Variants in GPCPD1 observed in about 807,000 individuals in gnomAD.
GPCPD1 encodes the protein glycerophosphocholine phosphodiesterase 1.
Under a neutral mutation model 89.2 loss-of-function variants are expected in GPCPD1, and 29 were observed. The ratio of observed to expected loss-of-function variants is 0.33; its 90% confidence interval spans 0.24 to 0.44. GPCPD1 has a LOEUF of 0.44. Among genes scored for constraint, GPCPD1 ranks in the 20% least tolerant of loss-of-function variants. The pLI, the probability that GPCPD1 is intolerant of heterozygous loss-of-function variation, is 1.00. For synonymous variants in GPCPD1, 258 were observed against 266.3 expected, an observed-to-expected ratio of 0.97 and a Z score of 0.30; for missense variants, 594 against 808.9, an observed-to-expected ratio of 0.73 and a Z score of 3.22.
intron 6 of GPCPD1, among the ~76,000 whole-genome samples, chr20:5,582,093 G>T (rs955478398): frequency 1.2e-4 from 18 of 145,144 alleles, no homozygotes; most frequent in Non-Finnish European, 2.2e-4. Context: ...GGCTGAGGCA[G>T]GAGAATGGCG....
At position 5,584,267 on chromosome 20, in the gene GPCPD1, T is replaced by C. The variant is rs972983634; in HGVS notation, c.349+14A>G. The stretch of plus-strand genomic sequence containing the variant: ...TCATTTCAGTAAACATTTAAGTAAG[T>C]CAGTCTCACTTACTGTGGATTCCAA... On this transcript the variant is annotated intron_variant, in intron 6 of 19. Coordinates refer to ENST00000379019, the MANE Select transcript of GPCPD1 (RefSeq NM_019593.5). 9 of 1,233,876 alleles carry C rather than the reference T, an allele frequency of 7.3e-6. No individual in the cohort carries two copies. The highest frequency in any genetic ancestry group is 1.9e-4 in the Middle Eastern group (1 of 5,360). The allele number at this position is 1,233,876 out of a possible 1,614,324, so 76.4% of individuals were successfully genotyped here.
At position 5,561,449 on chromosome 20, in the gene GPCPD1, A is replaced by G. The variant is rs1198966570; in HGVS notation, c.1395+16T>C. On this transcript the variant is annotated intron_variant, in intron 16 of 19. Transcript: ENST00000379019. ...GCATAGAGAGTATAGAATGTGCTGC[A>G]TAGAGAATTACTTACCCTTTGCTGG... 6.9e-7 allele frequency: 1 copy of G among 1,444,376 alleles called. No homozygotes were observed. Among genetic ancestry groups the G allele is most frequent in the South Asian group, 1.1e-5 (1 of 87,064 alleles). The allele number at this position is 1,444,376 out of a possible 1,614,324, so 89.5% of individuals were successfully genotyped here. A position where few individuals can be genotyped will look rare whatever the true frequency, so the allele number is the denominator to read the frequency against.
At chr20:5,604,774 T>TACACACACAC (rs11466989) in intron 1 of GPCPD1, among the ~76,000 whole-genome samples, 3,272 of 139,116 alleles carry the variant, frequency 0.024, 64 homozygotes, top group African/African-American at 0.044. Flanking sequence ...GCCTCATGTC[T>TACACACACAC]ACACACACAC....
rs200838906 is a variant in GPCPD1, at chr20:5,575,521, A to G, written c.893T>C (p.Leu298Ser). The change falls in exon 10 of 20, where the codon TTA (leucine) becomes TCA (serine). Residue 298 changes from leucine to serine, a missense_variant. Physicochemically the swap from Leu to Ser is moderately radical, Grantham distance 145. Transcript: ENST00000379019. ...TTTCATGTCACAACTGTATCCTGGT[A>G]ATGGCTTAATAATTATATAGTCAAC... ...VRVDYIIIKPLPGYSCDMKSS... is the reference protein window; with the variant it reads ...VRVDYIIIKPSPGYSCDMKSS... 1 of 1,584,516 alleles carries G rather than the reference A, an allele frequency of 6.3e-7. No homozygotes were observed. The highest frequency in any genetic ancestry group is 8.7e-7 in the Non-Finnish European group (1 of 1,154,236).
At chr20:5,558,514 AT>A (rs1985903228) in intron 18 of GPCPD1, among the ~76,000 whole-genome samples, 169 bp downstream of exon 18, 1 of 152,336 alleles carries the variant, frequency 6.6e-6, no homozygotes, top group East Asian at 1.9e-4. Flanking sequence ...ACTTAATGTA[AT>A]TGTTTTTCAT....
At chr20:5,605,445 T>C (rs1359169759) in intron 1 of GPCPD1, among the ~76,000 whole-genome samples, 1 of 152,144 alleles carries the variant, frequency 6.6e-6, no homozygotes, top group Non-Finnish European at 1.5e-5. Context: ...AGTTTGAGAA[T>C]CTGCTTCTAA....
At chr20:5,565,369 C>T (rs1017489645) in intron 14 of GPCPD1, among the ~76,000 whole-genome samples, 3 of 151,732 alleles carry the variant, frequency 2.0e-5, no homozygotes, top group Admixed American at 2.0e-4. Flanking sequence ...GTAGCTATGC[C>T]CATAGACATG....
At chr20:5,562,934 A>G (rs537642121) in intron 15 of GPCPD1, among the ~76,000 whole-genome samples, 274 of 152,334 alleles carry the variant, frequency 1.8e-3, no homozygotes, top group African/African-American at 4.8e-3. Flanking sequence ...ATTTGCCAGA[A>G]AAGTGTCTAT....
rs745842824 is a variant in GPCPD1 at position 5,573,984 on chromosome 20, TACAGTTA to T, written c.1002-22_1002-16del. 2 of 1,293,152 alleles carry T rather than the reference TACAGTTA, an allele frequency of 1.5e-6. No homozygotes were observed. Among genetic ancestry groups the T allele is most frequent in the South Asian group, 2.4e-5 (2 of 84,534 alleles). 80.1% of individuals were successfully genotyped at this position (1,293,152 alleles called of 1,614,324 possible). The stretch of plus-strand genomic sequence containing the variant: ...CTTTAGCCAGCCTGAAAAGAAGAAA[TACAGTTA>T]ACATAGACTATAGAGAAGATAAAGA... On this transcript the variant is annotated splice_polypyrimidine_tract_variant and intron_variant, in intron 10 of 19. Coordinates refer to ENST00000379019, the MANE Select transcript of GPCPD1 (RefSeq NM_019593.5).
intron 1 of GPCPD1, among the ~76,000 whole-genome samples, chr20:5,606,483 CT>C (rs1405807899): frequency 6.6e-6 from 1 of 152,174 alleles, no homozygotes; most frequent in Non-Finnish European, 1.5e-5. Context: ...TCCCCTCCCC[CT>C]GAATCATTTA....
At chr20:5,564,649 G>A (rs183576483) in intron 15 of GPCPD1, among the ~76,000 whole-genome samples, 37 of 152,202 alleles carry the variant, frequency 2.4e-4, no homozygotes, top group Admixed American at 2.0e-3. Flanking sequence ...ACCAGCCTGC[G>A]CAACAAGGTG....
intron 12 of GPCPD1, among the ~76,000 whole-genome samples, chr20:5,568,234 A>ATATATATATATACTTAG (rs1156490639): frequency 6.0e-5 from 9 of 148,792 alleles, no homozygotes; most frequent in African/African-American, 2.2e-4. Context: ...TACTTAGTAT[A>ATATATATATATACTTAG]TATATATATA....
At chr20:5,599,264 T>C (rs1979955996) in intron 2 of GPCPD1, among the ~76,000 whole-genome samples, 1 of 152,078 alleles carries the variant, frequency 6.6e-6, no homozygotes. Context: ...AAGAACATTA[T>C]TAAGGCCAGG....
chr20:5,604,434 T>A lies in GPCPD1; in HGVS notation c.-22A>T. On this transcript the variant is annotated 5_prime_UTR_variant, in exon 2 of 20. Transcript: ENST00000379019. ...TCATTCTGATGGATTTATTTTATGA[T>A]GTCGTGCTAGGAAAAAAAAGAAAAG... The A allele has an allele frequency of 6.6e-7, 1 of 1,516,794 alleles. No homozygotes were observed. Among genetic ancestry groups the A allele is most frequent in the Non-Finnish European group, 9.1e-7 (1 of 1,102,254 alleles). 94.0% of individuals were successfully genotyped at this position (1,516,794 alleles called of 1,614,324 possible).
intron 14 of GPCPD1, 78 bp downstream of exon 14, chr20:5,566,655 T>C: frequency 1.2e-6 from 1 of 825,558 alleles, no homozygotes. Context: ...AAGTATCAAG[T>C]ATGTGCTAAA....
At chr20:5,572,240 C>T (rs1346473958) in intron 11 of GPCPD1, among the ~76,000 whole-genome samples, 2 of 152,110 alleles carry the variant, frequency 1.3e-5, no homozygotes, top group East Asian at 1.9e-4. Context: ...GATGTTTAGA[C>T]TAGCTATGAC....
intron 8 of GPCPD1, among the ~76,000 whole-genome samples, chr20:5,576,411 C>T (rs1241670664): frequency 1.8e-5 from 2 of 113,284 alleles, no homozygotes; most frequent in African/African-American, 3.9e-5. Flanking sequence ...CAGAGCAACA[C>T]TCCATCTCAA....
intron 19 of GPCPD1, among the ~76,000 whole-genome samples, chr20:5,553,830 A>C (rs1985579978): frequency 6.6e-6 from 1 of 152,226 alleles, no homozygotes; most frequent in Non-Finnish European, 1.5e-5. Context: ...TGGTTCATGA[A>C]GTTTAAGGAA....
At chr20:5,605,987 T>C (rs769456831) in intron 1 of GPCPD1, among the ~76,000 whole-genome samples, 6 of 152,072 alleles carry the variant, frequency 3.9e-5, no homozygotes, top group Admixed American at 6.6e-5. Flanking sequence ...CTGAACTCCA[T>C]AGTAAAAGGA....
Sources: gnomAD v4.1 joint callset for allele counts (sites outside exome capture counted in the v4.1 genomes callset) on GRCh38, gnomAD v4.1.1 for gene constraint, MANE v1.5 for transcripts, NCBI Gene and HGNC (gene_info 2026-07-23, HGNC 2026-07-21) for gene names.